BRD10: variants seen among roughly 807,000 people sequenced by gnomAD.
The protein encoded by BRD10 is uncharacterized bromodomain-containing protein 10.
At chr9:5,943,700 T>C in the BRD10 span, among the ~76,000 whole-genome samples, 1 of 152,126 alleles carries the variant, frequency 6.6e-6, no homozygotes. Context: ...TATAAAAATA[T>C]AAGAATCTAA....
At chr9:5,956,751 C>A in the BRD10 span, among the ~76,000 whole-genome samples, 6 of 152,138 alleles carry the variant, frequency 3.9e-5, no homozygotes, top group Non-Finnish European at 7.4e-5. Context: ...AACTACCACT[C>A]TACTTTGTAC....
chr9:5,989,235 T>TAAA, the BRD10 span, among the ~76,000 whole-genome samples: 216 of 46,186 alleles, frequency 4.7e-3, 9 homozygotes, highest in Non-Finnish European at 6.5e-3. Flanking sequence ...TCTGTCTCAT[T>TAAA]AAAAAAAAAA....
the BRD10 span, among the ~76,000 whole-genome samples, chr9:5,982,222 C>G: frequency 1.6e-4 from 24 of 152,184 alleles, no homozygotes; most frequent in East Asian, 3.1e-3. Context: ...CAAACTTACC[C>G]TCCTACTGCA....
the BRD10 span, among the ~76,000 whole-genome samples, chr9:5,926,261 T>C: frequency 6.6e-6 from 1 of 152,120 alleles, no homozygotes; most frequent in Non-Finnish European, 1.5e-5. Flanking sequence ...TTGTGCACAT[T>C]AGATTTTAAG....
chr9:5,884,672 C>T, the BRD10 span, among the ~76,000 whole-genome samples: 7 of 152,194 alleles, frequency 4.6e-5, no homozygotes, highest in Admixed American at 6.5e-5. Flanking sequence ...GTACCCTAGA[C>T]AAGAATCTGG....
chr9:5,949,824 G>T, the BRD10 span, among the ~76,000 whole-genome samples: 2 of 152,076 alleles, frequency 1.3e-5, no homozygotes, highest in Non-Finnish European at 2.9e-5. Flanking sequence ...TCTCTTAAAT[G>T]TTAAATGAAA....
chr9:6,007,645 G>A, the BRD10 span: 13 of 1,604,078 alleles, frequency 8.1e-6, no homozygotes, highest in Middle Eastern at 5.0e-4. Context: ...CTCCAGCGAG[G>A]AGGCACTCCT....
chr9:5,985,304 G>T, the BRD10 span, among the ~76,000 whole-genome samples: 1 of 151,980 alleles, frequency 6.6e-6, no homozygotes, highest in Non-Finnish European at 1.5e-5. Context: ...AAAAATTCTA[G>T]AACAAAAATT....
At chr9:5,938,324 C>G in the BRD10 span, among the ~76,000 whole-genome samples, 2 of 151,668 alleles carry the variant, frequency 1.3e-5, no homozygotes, top group Non-Finnish European at 2.9e-5. Context: ...AGCCTTTAGT[C>G]CCAGCTTCTC....
chr9:5,881,897 C>T, the BRD10 span, among the ~76,000 whole-genome samples: 1 of 152,304 alleles, frequency 6.6e-6, no homozygotes, highest in South Asian at 2.1e-4. Context: ...GCAGGCTCTG[C>T]GCCAAGCAAT....
At chr9:5,976,594 G>C in the BRD10 span, among the ~76,000 whole-genome samples, 1 of 152,118 alleles carries the variant, frequency 6.6e-6, no homozygotes, top group Non-Finnish European at 1.5e-5. Flanking sequence ...TGTAAGTCTA[G>C]AAATTCTCCC....
At chr9:5,921,452 C>T in the BRD10 span, 140 of 1,613,828 alleles carry the variant, frequency 8.7e-5, no homozygotes, top group Non-Finnish European at 1.1e-4. Context: ...TGATGTACCA[C>T]TAGGAACTGG....
chr9:5,917,172 C>G, the BRD10 span, among the ~76,000 whole-genome samples: 1 of 152,130 alleles, frequency 6.6e-6, no homozygotes, highest in Non-Finnish European at 1.5e-5. Context: ...TAAATAATTT[C>G]AAACAAGTAA....
chr9:5,884,179 A>G, the BRD10 span, among the ~76,000 whole-genome samples: 1 of 152,282 alleles, frequency 6.6e-6, no homozygotes, highest in Admixed American at 6.5e-5. Context: ...AGTTTACACA[A>G]TGTTTTCACA....
the BRD10 span, among the ~76,000 whole-genome samples, chr9:6,008,452 G>A: frequency 1.3e-5 from 2 of 151,908 alleles, no homozygotes; most frequent in Non-Finnish European, 2.9e-5. Context: ...CAAAGAAAGA[G>A]GCCCTGTCGC....
the BRD10 span, among the ~76,000 whole-genome samples, chr9:6,001,890 C>T: frequency 2.6e-5 from 4 of 152,154 alleles, no homozygotes; most frequent in Non-Finnish European, 5.9e-5. Flanking sequence ...GATTTATCAC[C>T]TAAAATCTGA....
chr9:5,928,428 T>C, the BRD10 span, among the ~76,000 whole-genome samples: 3 of 152,198 alleles, frequency 2.0e-5, no homozygotes, highest in African/African-American at 7.2e-5. Context: ...CAATGGCTTC[T>C]CACCTAACTC....
the BRD10 span, among the ~76,000 whole-genome samples, chr9:5,886,541 AT>A: frequency 6.6e-6 from 1 of 152,146 alleles, no homozygotes; most frequent in African/African-American, 2.4e-5. Context: ...GAGGTTTGAG[AT>A]TTGCCCAAGG....
At chr9:5,971,653 T>C in the BRD10 span, among the ~76,000 whole-genome samples, 1 of 152,324 alleles carries the variant, frequency 6.6e-6, no homozygotes, top group Non-Finnish European at 1.5e-5. Context: ...ATATATTACA[T>C]TTGAGTACCT....
Sources: gnomAD v4.1 joint callset for allele counts (sites outside exome capture counted in the v4.1 genomes callset) on GRCh38, gnomAD v4.1.1 for gene constraint, MANE v1.5 for transcripts, NCBI Gene and HGNC (gene_info 2026-07-23, HGNC 2026-07-21) for gene names.